The following PCDHGA2 variants were observed in gnomAD, a reference collection of about 807,000 sequenced individuals.
PCDHGA2 encodes protocadherin gamma-A2.
A neutral mutation model predicts 59.2 loss-of-function variants in PCDHGA2; 40 were observed. The ratio of observed to expected loss-of-function variants is 0.68; its 90% CI spans 0.52 to 0.88. The LOEUF (loss-of-function observed/expected upper bound fraction) is 0.88, where lower values mean the gene tolerates loss of function less well. Among genes scored for constraint, PCDHGA2 ranks in the 40% least tolerant of loss-of-function variants. PCDHGA2 has a pLI of 0.00. For missense variants in PCDHGA2, 1,226 were observed against 1,204.0 expected, an observed-to-expected ratio of 1.02 and a Z score of -0.27; for synonymous variants, 560 against 526.0, an observed-to-expected ratio of 1.06 and a Z score of -0.89.
intron 1 of PCDHGA2, among the ~76,000 whole-genome samples, chr5:141,462,192 T>C (rs1323806836): frequency 6.6e-6 from 1 of 152,198 alleles, no homozygotes; most frequent in Non-Finnish European, 1.5e-5. Context: ...ACTCCTGACC[T>C]CAGGTGATCC....
At position 141,486,254 on chromosome 5, in the gene PCDHGA2, G is replaced by A. The variant is rs2099626723; in HGVS notation, c.2425-8553G>A. ...GACCTCAGAGCTTGGAACCCTCCCCGAGAGTGCAGAACCTGGCACTGTGGT... is the reference window on the plus strand; with the variant it reads ...GACCTCAGAGCTTGGAACCCTCCCCAAGAGTGCAGAACCTGGCACTGTGGT... On this transcript the variant is annotated intron_variant, in intron 1 of 3. Transcript: ENST00000394576. This position sits in a 1 kb window ranked among gnomAD's most constrained non-coding sequence, Gnocchi z 5.0. The A allele has an allele frequency of 1.2e-6, 2 of 1,613,992 alleles. No individual in the cohort carries two copies. Among genetic ancestry groups the A allele is most frequent in the Non-Finnish European group, 1.7e-6 (2 of 1,179,982 alleles).
rs909255357 is a variant in PCDHGA2 at position 141,489,178 on chromosome 5, C to A, written c.2425-5629C>A. 5 of 1,234,744 alleles carry A rather than the reference C, an allele frequency of 4.0e-6. No individual in the cohort carries two copies. The highest frequency in any genetic ancestry group is 2.3e-5 in the Admixed American group (1 of 42,922). The allele number at this position is 1,234,744 out of a possible 1,614,324, so 76.5% of individuals were successfully genotyped here. Reference sequence around the variant, plus strand: ...GAGACTTCAGCTGCTGCATTCCAAGCCCTGGGTCTACCTTGGAGACAGGAC... The same window carrying A: ...GAGACTTCAGCTGCTGCATTCCAAGACCTGGGTCTACCTTGGAGACAGGAC... On this transcript the variant is annotated intron_variant, in intron 1 of 3. Transcript: ENST00000394576. This position sits in a 1 kb window ranked among gnomAD's most constrained non-coding sequence, Gnocchi z 4.5.
intron 1 of PCDHGA2, among the ~76,000 whole-genome samples, chr5:141,474,763 A>G (rs2099354251): frequency 6.6e-6 from 1 of 152,254 alleles, no homozygotes; most frequent in Non-Finnish European, 1.5e-5. Flanking sequence ...ATATACAGAA[A>G]TAGTATGAGG....
intron 1 of PCDHGA2, chr5:141,430,554 A>G (rs372392559): frequency 3.2e-5 from 13 of 411,906 alleles, no homozygotes; most frequent in Admixed American, 4.0e-5. Context: ...CTGTTCACCA[A>G]TCGGGGAGAG....
At chr5:141,508,841 C>G (rs969875150) in intron 3 of PCDHGA2, among the ~76,000 whole-genome samples, 1 of 152,140 alleles carries the variant, frequency 6.6e-6, no homozygotes, top group Admixed American at 6.5e-5. Flanking sequence ...TCCCCTACCC[C>G]TTCCATTCCC....
chr5:141,344,771 G>A (rs1361480171), intron 1 of PCDHGA2: 7 of 1,614,010 alleles, frequency 4.3e-6, no homozygotes, highest in East Asian at 2.2e-5. Flanking sequence ...CTCAGCCTGA[G>A]TACCGTGTGA....
At chr5:141,389,424 G>C (rs746873845) in intron 1 of PCDHGA2, 1 of 1,613,390 alleles carries the variant, frequency 6.2e-7, no homozygotes, top group African/African-American at 1.3e-5. Flanking sequence ...GGTGGTGTTC[G>C]CGCAGCGCGC....
chr5:141,400,076 T>C, intron 1 of PCDHGA2: 2 of 1,613,932 alleles, frequency 1.2e-6, no homozygotes, highest in Non-Finnish European at 1.7e-6. Context: ...CAGCCGCCAC[T>C]CTCCGCCACC....
Position 141,489,169 on chromosome 5 carries a change from C to T in PCDHGA2, c.2425-5638C>T. On this transcript the variant is annotated intron_variant, in intron 1 of 3. Coordinates refer to ENST00000394576, the MANE Select transcript of PCDHGA2 (RefSeq NM_018915.4). This position sits in a 1 kb window ranked among gnomAD's most constrained non-coding sequence, Gnocchi z 4.5. ...GAGACATAAGAGACTTCAGCTGCTG[C>T]ATTCCAAGCCCTGGGTCTACCTTGG... 3 of 1,124,648 alleles carry T rather than the reference C, an allele frequency of 2.7e-6. No individual in the cohort carries two copies. The highest frequency in any genetic ancestry group is 3.8e-6 in the Non-Finnish European group (3 of 783,910). The allele number at this position is 1,124,648 out of a possible 1,614,324, so 69.7% of individuals were successfully genotyped here. A position where few individuals can be genotyped will look rare whatever the true frequency, so the allele number is the denominator to read the frequency against.
intron 1 of PCDHGA2, chr5:141,419,863 G>T (rs1416582920): frequency 6.2e-7 from 1 of 1,614,108 alleles, no homozygotes; most frequent in Non-Finnish European, 8.5e-7. Flanking sequence ...CAGATAGCTT[G>T]CAAGAGGTAC....
intron 1 of PCDHGA2, among the ~76,000 whole-genome samples, chr5:141,447,752 G>T (rs2154561873): frequency 6.6e-6 from 1 of 152,280 alleles, no homozygotes; most frequent in Admixed American, 6.5e-5. Context: ...TCTTGCATGT[G>T]ACTGTATATA....
In PCDHGA2 at chr5:141,399,774, C is replaced by T. The variant is rs758550367; in HGVS notation, c.2424+58379C>T. The T allele has an allele frequency of 1.5e-5, 24 of 1,613,116 alleles. No homozygotes were observed. In the South Asian group the frequency reaches 2.4e-4, roughly 16 times the overall value. On this transcript the variant is annotated intron_variant, in intron 1 of 3. Transcript: ENST00000394576. Reference sequence around the variant, plus strand: ...ACGTGAGCCTGCGCGTGTTGGTGGGCGACCGAAACGACAACGCACCGCGGG... The same window carrying T: ...ACGTGAGCCTGCGCGTGTTGGTGGGTGACCGAAACGACAACGCACCGCGGG...
At chr5:141,374,748 G>A (rs372161900) in intron 1 of PCDHGA2, 115 of 1,611,770 alleles carry the variant, frequency 7.1e-5, no homozygotes, top group Non-Finnish European at 8.7e-5. Flanking sequence ...GACCCTGTCC[G>A]CTCAAGCGTC....
chr5:141,373,347 G>A (rs1769499263), intron 1 of PCDHGA2, among the ~76,000 whole-genome samples: 1 of 152,178 alleles, frequency 6.6e-6, no homozygotes. Context: ...GGCAACTCTT[G>A]TAATGGGCAC....
chr5:141,477,393 G>C lies in PCDHGA2; in HGVS notation c.2425-17414G>C. ...GAGACTGTGCCAGAATACAACCTCA[G>C]CATCACCGCCCGAGACGCCGGAACC... On this transcript the variant is annotated intron_variant, in intron 1 of 3. Coordinates refer to ENST00000394576, the MANE Select transcript of PCDHGA2 (RefSeq NM_018915.4). The surrounding 1 kb of genome is among the most constrained non-coding windows in gnomAD (Gnocchi z 4.9). The C allele has an allele frequency of 6.2e-7, 1 of 1,614,098 alleles. No individual in the cohort carries two copies. The highest frequency in any genetic ancestry group is 8.5e-7 in the Non-Finnish European group (1 of 1,180,028).
At chr5:141,352,315 G>A (rs1438457932) in intron 1 of PCDHGA2, 3 of 1,614,064 alleles carry the variant, frequency 1.9e-6, no homozygotes, top group Non-Finnish European at 1.7e-6. Context: ...CGGAACTGCA[G>A]TTTTACCTGG....
chr5:141,339,309 A>G lies in PCDHGA2; in HGVS notation c.338A>G (p.Lys113Arg). The change falls in exon 1 of 4, where the codon AAA (lysine) becomes AGA (arginine). Residue 113 changes from lysine to arginine, a missense_variant. Lys to Arg is a conservative substitution (Grantham distance 26, BLOSUM62 2). Coordinates refer to ENST00000394576, the MANE Select transcript of PCDHGA2 (RefSeq NM_018915.4). ...LLNFNILLED[K>R]LTIYSVEVEI... ...AATTTTAACATTCTGCTGGAGGATA[A>G]ATTGACTATTTATTCAGTAGAGGTG... The G allele has an allele frequency of 1.2e-6, 2 of 1,614,242 alleles. No homozygotes were observed. Among genetic ancestry groups the G allele is most frequent in the South Asian group, 2.2e-5 (2 of 91,088 alleles).
intron 1 of PCDHGA2, chr5:141,410,443 T>A (rs1207487083): frequency 6.2e-7 from 1 of 1,613,926 alleles, no homozygotes; most frequent in Non-Finnish European, 8.5e-7. Context: ...GTGAGGGGAC[T>A]TTGCCTTATT....
chr5:141,442,131 A>T, intron 1 of PCDHGA2: 1 of 165,118 alleles, frequency 6.1e-6, no homozygotes, highest in Non-Finnish European at 1.3e-5. Context: ...GACAGCCTGC[A>T]GGAGACTCTG....
Sources: gnomAD v4.1 joint callset for allele counts (sites outside exome capture counted in the v4.1 genomes callset) on GRCh38, gnomAD v4.1.1 for gene constraint, Gnocchi (gnomAD v3.1) non-coding constraint, MANE v1.5 for transcripts, NCBI Gene and HGNC (gene_info 2026-07-23, HGNC 2026-07-21) for gene names.